The following SPMIP6 variants were observed in gnomAD, a reference collection of about 807,000 sequenced individuals.
The protein encoded by SPMIP6 is sperm microtubule inner protein 6, also known as ciliated bronchial epithelial protein 1.
chr9:34,387,618 T>TACAC, the SPMIP6 span, among the ~76,000 whole-genome samples: 1 of 151,944 alleles, frequency 6.6e-6, no homozygotes, highest in Non-Finnish European at 1.5e-5. Flanking sequence ...TAAACACAGA[T>TACAC]ACACACACAC....
At chr9:34,388,263 C>T in the SPMIP6 span, among the ~76,000 whole-genome samples, 2 of 151,824 alleles carry the variant, frequency 1.3e-5, no homozygotes, top group African/African-American at 4.8e-5. Flanking sequence ...GCCTCAGCCT[C>T]CCAAGTAGCT....
At chr9:34,392,476 T>TGTGTGTGTGTGTG in the SPMIP6 span, among the ~76,000 whole-genome samples, 4 of 150,830 alleles carry the variant, frequency 2.7e-5, no homozygotes, top group Non-Finnish European at 3.0e-5. The surrounding 1 kb of genome is among the most constrained non-coding windows in gnomAD (Gnocchi z 4.6). Flanking sequence ...TGTGTGTGTG[T>TGTGTGTGTGTGTG]TTAATCTGAA....
At chr9:34,379,551 C>T in the SPMIP6 span, 1 of 1,091,302 alleles carries the variant, frequency 9.2e-7, no homozygotes, top group Non-Finnish European at 1.4e-6. The surrounding 1 kb of genome is among the most constrained non-coding windows in gnomAD (Gnocchi z 4.2). Context: ...CACCGCGGAG[C>T]GTTCTCATCC....
the SPMIP6 span, among the ~76,000 whole-genome samples, chr9:34,386,587 C>CAA: frequency 1.6e-5 from 2 of 127,106 alleles, no homozygotes; most frequent in Admixed American, 7.8e-5. Context: ...GACTTCGTCT[C>CAA]AAAAAAAAAA....
the SPMIP6 span, among the ~76,000 whole-genome samples, chr9:34,389,206 G>C: frequency 1.3e-5 from 2 of 151,966 alleles, no homozygotes; most frequent in South Asian, 4.2e-4. Context: ...CAAAGTACAG[G>C]TGTGAACCAT....
the SPMIP6 span, chr9:34,380,699 C>G: frequency 1.6e-5 from 25 of 1,547,906 alleles, no homozygotes; most frequent in Non-Finnish European, 2.2e-5. Context: ...AACCTTCGTG[C>G]TGGTTCTCCC....
chr9:34,383,545 A>C, the SPMIP6 span, among the ~76,000 whole-genome samples: 1 of 152,184 alleles, frequency 6.6e-6, no homozygotes, highest in Non-Finnish European at 1.5e-5. Context: ...AAATAACTTG[A>C]ATCTACTTCC....
the SPMIP6 span, among the ~76,000 whole-genome samples, chr9:34,380,133 G>A: frequency 6.6e-6 from 1 of 152,124 alleles, no homozygotes; most frequent in Admixed American, 6.5e-5. Flanking sequence ...ACTCAGTCTT[G>A]CACAATGAAT....
chr9:34,379,352 A>G, the SPMIP6 span, among the ~76,000 whole-genome samples: 2 of 152,050 alleles, frequency 1.3e-5, no homozygotes, highest in Non-Finnish European at 2.9e-5. The surrounding 1 kb of genome is among the most constrained non-coding windows in gnomAD (Gnocchi z 4.2). Flanking sequence ...GATACCCAAT[A>G]TTTCCTCCTT....
chr9:34,394,356 C>T, the SPMIP6 span, among the ~76,000 whole-genome samples: 68 of 152,204 alleles, frequency 4.5e-4, 1 homozygote, highest in African/African-American at 1.6e-3. Context: ...GGGGTTTCAC[C>T]GTGTTAGCCA....
chr9:34,396,322 A>G, the SPMIP6 span, among the ~76,000 whole-genome samples: 1 of 152,162 alleles, frequency 6.6e-6, no homozygotes, highest in Non-Finnish European at 1.5e-5. Flanking sequence ...AAAATAAATT[A>G]TTTTAAAAAT....
At chr9:34,379,691 G>A in the SPMIP6 span, 1 of 1,614,138 alleles carries the variant, frequency 6.2e-7, no homozygotes. This position sits in a 1 kb window ranked among gnomAD's most constrained non-coding sequence, Gnocchi z 4.2. Context: ...AGTTGTAACA[G>A]CACACTGCAT....
chr9:34,392,357 C>A, the SPMIP6 span, among the ~76,000 whole-genome samples: 2 of 151,970 alleles, frequency 1.3e-5, no homozygotes, highest in Non-Finnish European at 2.9e-5. The surrounding 1 kb of genome is among the most constrained non-coding windows in gnomAD (Gnocchi z 4.6). Context: ...TCTATTAATT[C>A]TATCAGGCCA....
the SPMIP6 span, among the ~76,000 whole-genome samples, chr9:34,386,489 G>A: frequency 6.6e-5 from 10 of 151,934 alleles, no homozygotes; most frequent in African/African-American, 2.2e-4. Context: ...AGCTACTCGG[G>A]AGGCTGAGGC....
At chr9:34,381,683 G>GT in the SPMIP6 span, 4 of 1,393,212 alleles carry the variant, frequency 2.9e-6, no homozygotes, top group African/African-American at 5.8e-5. The surrounding 1 kb of genome is among the most constrained non-coding windows in gnomAD (Gnocchi z 4.4). Context: ...TCCTGGGCCT[G>GT]TGACAACCCT....
chr9:34,382,795 A>T, the SPMIP6 span: 1 of 1,614,190 alleles, frequency 6.2e-7, no homozygotes, highest in Non-Finnish European at 8.5e-7. Flanking sequence ...TTGTTGCAGC[A>T]GCTGCTGTTG....
the SPMIP6 span, chr9:34,385,535 CAAAAAAA>C: frequency 1.9e-4 from 55 of 295,208 alleles, no homozygotes; most frequent in Middle Eastern, 8.7e-4. Context: ...AACTCCGTCT[CAAAAAAA>C]AAAAAAAAAA....
the SPMIP6 span, among the ~76,000 whole-genome samples, chr9:34,382,302 G>A: frequency 6.6e-6 from 1 of 152,168 alleles, no homozygotes; most frequent in African/African-American, 2.4e-5. Flanking sequence ...ATTCAAACCC[G>A]GCCAGGTGCA....
the SPMIP6 span, chr9:34,382,832 C>T: frequency 6.2e-7 from 1 of 1,614,050 alleles, no homozygotes; most frequent in Non-Finnish European, 8.5e-7. Context: ...ATGTGTTGTA[C>T]CAGTCACTGC....
Sources: gnomAD v4.1 joint callset for allele counts (sites outside exome capture counted in the v4.1 genomes callset) on GRCh38, gnomAD v4.1.1 for gene constraint, Gnocchi (gnomAD v3.1) non-coding constraint, MANE v1.5 for transcripts, NCBI Gene and HGNC (gene_info 2026-07-23, HGNC 2026-07-21) for gene names.